XKR9: variants seen among roughly 807,000 people sequenced by gnomAD.
XKR9 encodes the protein XK-related protein 9.
Under a neutral mutation model 32.0 loss-of-function variants are expected in XKR9, and 32 were observed. The observed-to-expected ratio is 1.00, with a 90% CI of 0.76 to 1.34. The LOEUF (loss-of-function observed/expected upper bound fraction) is 1.34, where lower values mean the gene tolerates loss of function less well. Ranked by LOEUF, XKR9 falls within the 40% of genes most tolerant of loss-of-function variation. The pLI, the probability that XKR9 is intolerant of heterozygous loss-of-function variation, is 0.00. For synonymous variants in XKR9, 168 were observed against 143.4 expected, an observed-to-expected ratio of 1.17 and a Z score of -1.22; for missense variants, 546 against 429.7, an observed-to-expected ratio of 1.27 and a Z score of -2.39.
intron 2 of XKR9, among the ~76,000 whole-genome samples, chr8:70,753,767 A>C (rs895355546): frequency 2.0e-5 from 3 of 151,520 alleles, no homozygotes; most frequent in Non-Finnish European, 2.9e-5. Flanking sequence ...GACGTATCTC[A>C]AAATAATAAG....
the XKR9 span, among the ~76,000 whole-genome samples, chr8:70,895,443 A>T: frequency 6.6e-6 from 1 of 152,122 alleles, no homozygotes; most frequent in Non-Finnish European, 1.5e-5. Flanking sequence ...CTCTCTCTTA[A>T]TTTGGCTATT....
At chr8:70,985,772 G>A in the XKR9 span, among the ~76,000 whole-genome samples, 4 of 150,724 alleles carry the variant, frequency 2.7e-5, no homozygotes, top group Non-Finnish European at 5.9e-5. Flanking sequence ...TTTTTTTTTA[G>A]GCAATCATTT....
the XKR9 span, among the ~76,000 whole-genome samples, chr8:70,905,275 G>T: frequency 6.6e-6 from 1 of 152,140 alleles, no homozygotes; most frequent in Admixed American, 6.6e-5. Flanking sequence ...TGTAGATTTG[G>T]TGTTTTCACA....
chr8:71,039,509 G>A, the XKR9 span, among the ~76,000 whole-genome samples: 1 of 152,114 alleles, frequency 6.6e-6, no homozygotes, highest in East Asian at 1.9e-4. Flanking sequence ...TAATGAATAT[G>A]CATTACTTTC....
the XKR9 span, among the ~76,000 whole-genome samples, chr8:70,953,145 TC>T: frequency 1.9e-3 from 296 of 152,310 alleles, 2 homozygotes; most frequent in African/African-American, 6.7e-3. Flanking sequence ...TTTTCTTCCT[TC>T]AACTACATTA....
chr8:70,805,651 G>A, the XKR9 span, among the ~76,000 whole-genome samples: 1 of 152,206 alleles, frequency 6.6e-6, no homozygotes, highest in Non-Finnish European at 1.5e-5. Flanking sequence ...ACTGGCCAGA[G>A]TGCCTCTTCA....
chr8:70,846,850 A>G, the XKR9 span, among the ~76,000 whole-genome samples: 1 of 152,028 alleles, frequency 6.6e-6, no homozygotes, highest in South Asian at 2.1e-4. Flanking sequence ...TATAAAACAA[A>G]TATTATATTT....
chr8:71,057,384 C>T, the XKR9 span, among the ~76,000 whole-genome samples: 1 of 152,128 alleles, frequency 6.6e-6, no homozygotes, highest in Non-Finnish European at 1.5e-5. Flanking sequence ...GCCCAAGAAG[C>T]ATTGTATTTT....
intron 1 of XKR9, among the ~76,000 whole-genome samples, chr8:70,670,949 G>C (rs1251869664): frequency 6.6e-6 from 1 of 152,184 alleles, no homozygotes; most frequent in Non-Finnish European, 1.5e-5. Context: ...CCCTGGAGAA[G>C]AGGATGGAAC....
At chr8:70,783,795 A>G (rs1023493068) in intron 2 of XKR9, among the ~76,000 whole-genome samples, 1 of 152,126 alleles carries the variant, frequency 6.6e-6, no homozygotes, top group Admixed American at 6.5e-5. Context: ...TCAATGTTTT[A>G]TAGTTTTTCT....
In XKR9 at chr8:70,759,281, T is replaced by C. The variant is rs549764814; in HGVS notation, n.353-30058T>C. Among the ~76,000 whole-genome samples the C allele has an allele frequency of 4.4e-4, 67 of 152,252 alleles. 1 individual carries two copies. Among genetic ancestry groups the C allele is most frequent in the African/African-American group, 1.4e-3 (59 of 41,562 alleles). On this transcript the variant is annotated intron_variant and non_coding_transcript_variant, in intron 2 of 3. Coordinates refer to the XKR9 transcript ENST00000520273. ...CATGCAATATGCAACTGGATGTGCA[T>C]TGGGCCAGGTACATTAGGTATTATT...
the XKR9 span, among the ~76,000 whole-genome samples, chr8:70,940,040 A>T: frequency 6.6e-6 from 1 of 152,082 alleles, no homozygotes; most frequent in East Asian, 1.9e-4. Flanking sequence ...CATAAAAATA[A>T]AACAAACACC....
At chr8:70,847,257 G>T in the XKR9 span, among the ~76,000 whole-genome samples, 1 of 151,892 alleles carries the variant, frequency 6.6e-6, no homozygotes, top group African/African-American at 2.4e-5. Flanking sequence ...GGTCAATGAA[G>T]AAGTTAAGAA....
At chr8:70,802,061 C>T in the XKR9 span, among the ~76,000 whole-genome samples, 13 of 151,704 alleles carry the variant, frequency 8.6e-5, no homozygotes, top group African/African-American at 1.7e-4. Flanking sequence ...CTCAGCCTCC[C>T]GAGTAGCTGG....
In XKR9 at chr8:70,734,228, C is replaced by T. The variant is rs755201189; in HGVS notation, c.926C>T (p.Pro309Leu). ...ATATTGACTGTATTCTGGGTTTGCC[C>T]CCTCACTATTTTTAATCCAGACTAT... Reference protein sequence around the residue: ...LGILTVFWVCPLTIFNPDYFI... With the variant: ...LGILTVFWVCLLTIFNPDYFI... The change falls in exon 5 of 5, where the codon CCC (proline) becomes CTC (leucine). Residue 309 changes from proline (P) to leucine (L), a missense_variant. Physicochemically the swap from Pro to Leu is moderately conservative, Grantham distance 98. Transcript: ENST00000408926. 5 of 1,612,772 alleles carry T rather than the reference C, an allele frequency of 3.1e-6. No individual in the cohort carries two copies. The African/African-American group carries it at 5.3e-5, about 17-fold the overall frequency.
chr8:70,762,950 A>G (rs1323886011), intron 2 of XKR9, among the ~76,000 whole-genome samples: 1 of 152,206 alleles, frequency 6.6e-6, no homozygotes, highest in Non-Finnish European at 1.5e-5. Flanking sequence ...CACTATTGAA[A>G]TCATGAATTG....
chr8:70,706,196 C>T (rs1004283893), intron 3 of XKR9, among the ~76,000 whole-genome samples: 1 of 152,070 alleles, frequency 6.6e-6, no homozygotes, highest in African/African-American at 2.4e-5. Context: ...TTACTGCTAG[C>T]CTCAGATTTC....
intron 4 of XKR9, 82 bp from the exon 5 acceptor site, chr8:70,733,714 A>G (rs560516093): frequency 1.5e-6 from 2 of 1,290,554 alleles, no homozygotes; most frequent in Admixed American, 3.3e-5. Context: ...GTGTGTATAT[A>G]GATATAGCAT....
At chr8:71,040,137 C>T in the XKR9 span, among the ~76,000 whole-genome samples, 100 of 152,240 alleles carry the variant, frequency 6.6e-4, 1 homozygote, top group Middle Eastern at 3.4e-3. Flanking sequence ...TATGATGACA[C>T]CAATGTGAGA....
Sources: allele counts gnomAD v4.1 joint callset (sites outside exome capture counted in the v4.1 genomes callset), GRCh38; gene constraint gnomAD v4.1.1; transcripts MANE v1.5; gene names NCBI Gene and HGNC (gene_info 2026-07-23, HGNC 2026-07-21).